Variants in SNED1 observed in about 807,000 individuals in gnomAD.
The protein encoded by SNED1 is sushi, nidogen and EGF like domains 1.
A neutral mutation model predicts 166.7 loss-of-function variants in SNED1; 81 were observed. That is an observed-to-expected ratio of 0.49 (90% CI 0.41 to 0.58). The LOEUF (loss-of-function observed/expected upper bound fraction) is 0.58, where lower values mean the gene tolerates loss of function less well. Among genes scored for constraint, SNED1 ranks in the 20% least tolerant of loss-of-function variants. The pLI, the probability that SNED1 is intolerant of heterozygous loss-of-function variation, is 0.00. For missense variants in SNED1, 1,604 were observed against 2,000.2 expected, an observed-to-expected ratio of 0.80 and a Z score of 3.78; for synonymous variants, 762 against 822.0, an observed-to-expected ratio of 0.93 and a Z score of 1.25.
At chr2:241,062,655 G>A (rs2062277874) in intron 16 of SNED1, 136 bp from the exon 17 acceptor site, 1 of 708,988 alleles carries the variant, frequency 1.4e-6, no homozygotes, top group South Asian at 1.5e-5. Flanking sequence ...AGGATATCCA[G>A]CCCTGGTCTC....
At chr2:241,029,067 C>T (rs1333676722) in intron 1 of SNED1, among the ~76,000 whole-genome samples, 1 of 152,170 alleles carries the variant, frequency 6.6e-6, no homozygotes, top group African/African-American at 2.4e-5. Context: ...AGGCTTCACC[C>T]AAAGGGGAAG....
At chr2:241,029,540 T>C (rs1272068275) in intron 1 of SNED1, among the ~76,000 whole-genome samples, 3 of 152,160 alleles carry the variant, frequency 2.0e-5, no homozygotes, top group African/African-American at 4.8e-5. Flanking sequence ...ACATAGGAAT[T>C]TGGGGGGACA....
At chr2:241,032,166 A>C (rs913303338) in intron 2 of SNED1, among the ~76,000 whole-genome samples, 1 of 152,118 alleles carries the variant, frequency 6.6e-6, no homozygotes, top group Non-Finnish European at 1.5e-5. Flanking sequence ...CCTGGCCAAC[A>C]TGACGAACTC....
At position 241,069,906 on chromosome 2, in the gene SNED1, C is replaced by T; in HGVS notation, c.3308-14C>T. 1 of 1,609,964 alleles carries T rather than the reference C, an allele frequency of 6.2e-7. No individual in the cohort carries two copies. Among genetic ancestry groups the T allele is most frequent in the Non-Finnish European group, 8.5e-7 (1 of 1,178,036 alleles). ...GGGCACCCCCTCACCTCTCCCTGCT[C>T]CTGCCTCATCCAGGGCCCCTGCCTC... On this transcript the variant is annotated splice_polypyrimidine_tract_variant and intron_variant, in intron 23 of 31. Coordinates refer to ENST00000310397, the MANE Select transcript of SNED1 (RefSeq NM_001080437.3). The surrounding 1 kb of genome is among the most constrained non-coding windows in gnomAD (Gnocchi z 4.9).
rs1233229393 is a variant in SNED1, at chr2:241,073,657, C to T, written c.3916+293C>T. On this transcript the variant is annotated intron_variant, in intron 27 of 31. Coordinates refer to ENST00000310397, the MANE Select transcript of SNED1 (RefSeq NM_001080437.3). This position sits in a 1 kb window ranked among gnomAD's most constrained non-coding sequence, Gnocchi z 6.6. The stretch of plus-strand genomic sequence containing the variant: ...CTGCCTCCCCTCCCCTCTCCTCCTT[C>T]GCCTCCACATGCAGCAGAGCCCACC... 2.2e-5 allele frequency: 11 copies of T among 504,130 alleles called. No homozygotes were observed. Among genetic ancestry groups the T allele is most frequent in the South Asian group, 3.6e-5 (1 of 27,618 alleles). The allele number at this position is 504,130 out of a possible 1,614,324, so 31.2% of individuals were successfully genotyped here.
At position 241,064,966 on chromosome 2, in the gene SNED1, C is replaced by T. The variant is rs761993880; in HGVS notation, c.2713+9C>T. 29 of 1,561,218 alleles carry T rather than the reference C, an allele frequency of 1.9e-5. No homozygotes were observed. Among genetic ancestry groups the T allele is most frequent in the Admixed American group, 8.1e-5 (4 of 49,490 alleles). ...CGAGGACTGCGCCAAAGGTGGGTGG[C>T]GAGGGCGCCTCCAGTGAGGGAGCCA... On this transcript the variant is annotated intron_variant, in intron 20 of 31. Coordinates refer to ENST00000310397, the MANE Select transcript of SNED1 (RefSeq NM_001080437.3). The surrounding 1 kb of genome is among the most constrained non-coding windows in gnomAD (Gnocchi z 7.0).
chr2:241,094,537 T>A lies in SNED1; in HGVS notation c.*2901T>A, dbSNP rs561958959. The A allele has an allele frequency of 4.3e-5, 16 of 372,364 alleles. No homozygotes were observed. Among genetic ancestry groups the A allele is most frequent in the Non-Finnish European group, 7.1e-5 (13 of 184,074 alleles). 23.1% of individuals were successfully genotyped at this position (372,364 alleles called of 1,614,324 possible). On this transcript the variant is annotated 3_prime_UTR_variant, in exon 32 of 32. Transcript: ENST00000310397. This position sits in a 1 kb window ranked among gnomAD's most constrained non-coding sequence, Gnocchi z 4.3. ...AGTGCATAGGGGAAAGGAACCCGGC[T>A]GAAAAACCAGCTCCTTATTTTTCTT...
At chr2:241,037,191 C>A (rs770873288) in intron 5 of SNED1, 49 bp from the exon 6 acceptor site, 1 of 1,457,496 alleles carries the variant, frequency 6.9e-7, no homozygotes, top group Admixed American at 2.0e-5. Context: ...AGAGAAAACT[C>A]CTCATCCGGG....
At chr2:241,010,962 G>A (rs2060372656) in intron 1 of SNED1, among the ~76,000 whole-genome samples, 1 of 152,176 alleles carries the variant, frequency 6.6e-6, no homozygotes, top group Admixed American at 6.5e-5. Flanking sequence ...GGGATCCACA[G>A]GGAGAGACTG....
At chr2:241,028,009 A>G (rs1193367437) in intron 1 of SNED1, among the ~76,000 whole-genome samples, 1 of 152,184 alleles carries the variant, frequency 6.6e-6, no homozygotes, top group Non-Finnish European at 1.5e-5. Context: ...ATGGGATTAC[A>G]GGCGTGAGCC....
In SNED1 at chr2:241,064,268, C is replaced by G. The variant is rs1275665643; in HGVS notation, c.2599+143C>G. ...CCTCTGCCCGCCGCCTTGGAAGTCC[C>G]CTTCTCAGGCCAGTGGCCCTCCGCC... On this transcript the variant is annotated intron_variant, in intron 19 of 31. Transcript: ENST00000310397. This position sits in a 1 kb window ranked among gnomAD's most constrained non-coding sequence, Gnocchi z 7.0. 1.8e-5 allele frequency: 11 copies of G among 611,978 alleles called. No homozygotes were observed. Among genetic ancestry groups the G allele is most frequent in the Non-Finnish European group, 5.6e-6 (2 of 357,884 alleles). 37.9% of individuals were successfully genotyped at this position (611,978 alleles called of 1,614,324 possible). A position where few individuals can be genotyped will look rare whatever the true frequency, so the allele number is the denominator to read the frequency against.
At chr2:241,008,031 C>T (rs1021292457) in intron 1 of SNED1, among the ~76,000 whole-genome samples, 1 of 152,272 alleles carries the variant, frequency 6.6e-6, no homozygotes, top group Non-Finnish European at 1.5e-5. Context: ...TTCGCAGTTA[C>T]ACCCTGCCGT....
intron 8 of SNED1, chr2:241,040,808 A>T: frequency 2.1e-6 from 1 of 475,236 alleles, no homozygotes; most frequent in Non-Finnish European, 4.3e-6. Flanking sequence ...CTCAGCACAC[A>T]AGGGAAAGTA....
At chr2:241,078,915 A>T (rs981803781) in intron 27 of SNED1, among the ~76,000 whole-genome samples, 4 of 149,736 alleles carry the variant, frequency 2.7e-5, no homozygotes, top group Non-Finnish European at 4.4e-5. Flanking sequence ...GGAGTTCGAG[A>T]CCAGCCTGGC....
At chr2:241,031,453 A>G (rs544635152) in intron 2 of SNED1, among the ~76,000 whole-genome samples, 1 of 152,180 alleles carries the variant, frequency 6.6e-6, no homozygotes, top group South Asian at 2.1e-4. Context: ...GCACCTTCCA[A>G]GTGACAGGCA....
In SNED1 at chr2:241,016,476, G is replaced by A. The variant is rs1449559944; in HGVS notation, c.214-13808G>A. On this transcript the variant is annotated intron_variant, in intron 1 of 31. Transcript: ENST00000310397. ...CTCCCAAAGTGCTGGGATTACAGGC[G>A]TGAGCCACCACGCCCGGCCCATGGT... is the stretch of plus-strand genomic sequence containing the variant. Among the ~76,000 whole-genome samples the A allele has an allele frequency of 6.0e-5, 9 of 150,158 alleles. No individual in the cohort carries two copies. In the East Asian group the frequency reaches 1.4e-3, roughly 23 times the overall value.
chr2:241,050,911 C>A (rs929276550), intron 12 of SNED1, among the ~76,000 whole-genome samples: 3 of 152,224 alleles, frequency 2.0e-5, no homozygotes, highest in Non-Finnish European at 2.9e-5. Flanking sequence ...GGTTCTGTGC[C>A]CGCCCCAGGA....
intron 1 of SNED1, among the ~76,000 whole-genome samples, chr2:241,023,888 C>CTTTTTTTTTTTT (rs34234341): frequency 3.7e-4 from 34 of 92,002 alleles, no homozygotes; most frequent in African/African-American, 6.1e-4. Context: ...TTTTTTTTTC[C>CTTTTTTTTTTTT]TTTTTTTTTT....
rs143729553 is a variant in SNED1 at position 241,094,358 on chromosome 2, A to ACGGAGTCAC, written c.*2725_*2733dup. ...ATCTGACTCAACTGTGGCGATGTGG[A>ACGGAGTCAC]CGGAGTCACCGAGCTGCTTTTCTTT... is the stretch of plus-strand genomic sequence containing the variant. On this transcript the variant is annotated 3_prime_UTR_variant, in exon 32 of 32. Coordinates refer to ENST00000310397, the MANE Select transcript of SNED1 (RefSeq NM_001080437.3). This position sits in a 1 kb window ranked among gnomAD's most constrained non-coding sequence, Gnocchi z 4.3. The ACGGAGTCAC allele has an allele frequency of 3.4e-4, 159 of 470,824 alleles. No individual in the cohort carries two copies. The highest frequency in any genetic ancestry group is 2.9e-3 in the African/African-American group (144 of 50,174). 29.2% of individuals were successfully genotyped at this position (470,824 alleles called of 1,614,324 possible).
Sources: allele counts gnomAD v4.1 joint callset (sites outside exome capture counted in the v4.1 genomes callset), GRCh38; gene constraint gnomAD v4.1.1; non-coding constraint Gnocchi (gnomAD v3.1); transcripts MANE v1.5; gene names NCBI Gene and HGNC (gene_info 2026-07-23, HGNC 2026-07-21).